Variants in POLA1 observed in about 807,000 individuals in gnomAD.
POLA1 encodes DNA polymerase alpha 1, catalytic subunit, also known as DNA polymerase alpha catalytic subunit.
Under a neutral mutation model 124.0 loss-of-function variants are expected in POLA1, and 15 were observed. That is an observed-to-expected ratio of 0.12 (90% CI 0.08 to 0.19). The LOEUF is 0.19. Ranked by LOEUF, POLA1 falls within the 10% of genes least tolerant of loss-of-function variation. The pLI, the probability that POLA1 is intolerant of heterozygous loss-of-function variation, is 1.00. For missense variants in POLA1, 886 were observed against 1,103.4 expected, an observed-to-expected ratio of 0.80 and a Z score of 2.79; for synonymous variants, 408 against 389.4, an observed-to-expected ratio of 1.05 and a Z score of -0.56.
At chrX:24,856,054 A>G (rs773204457) in intron 34 of POLA1, among the ~76,000 whole-genome samples, 3 of 112,290 alleles carry the variant, frequency 2.7e-5, no homozygotes, top group South Asian at 3.7e-4. Flanking sequence ...ACTCAAGTCT[A>G]TAGCTGAGTT....
chrX:24,743,461 G>A (rs1461013033), intron 23 of POLA1, 132 bp downstream of exon 23: 2 of 343,350 alleles, frequency 5.8e-6, no homozygotes, highest in East Asian at 4.6e-5. Flanking sequence ...TTTATCTTTC[G>A]TTCACGTGAA....
chrX:24,767,506 C>A (rs1932934280), intron 26 of POLA1, among the ~76,000 whole-genome samples: 1 of 111,830 alleles, frequency 8.9e-6, no homozygotes, highest in Admixed American at 9.5e-5. Flanking sequence ...AGCATATGAT[C>A]CTGTTAGACA....
At chrX:24,984,742 C>T (rs1484308363) in intron 36 of POLA1, among the ~76,000 whole-genome samples, 1 of 103,565 alleles carries the variant, frequency 9.7e-6, no homozygotes, top group Non-Finnish European at 2.0e-5. Flanking sequence ...TCACTGCAAG[C>T]TCCGCCTCCC....
chrX:24,878,083 T>C (rs1192180352), intron 34 of POLA1, among the ~76,000 whole-genome samples: 1 of 110,935 alleles, frequency 9.0e-6, no homozygotes, highest in Middle Eastern at 4.2e-3. Context: ...TGTCTACCCT[T>C]AGTTCTGTTT....
intron 34 of POLA1, among the ~76,000 whole-genome samples, chrX:24,867,445 A>G (rs369454780): frequency 9.0e-4 from 100 of 111,630 alleles, no homozygotes; most frequent in African/African-American, 3.1e-3. Context: ...TAGTCTTTTC[A>G]TTTTTAGTCT....
At chrX:24,861,531 C>G (rs1302274830) in intron 34 of POLA1, among the ~76,000 whole-genome samples, 1 of 112,735 alleles carries the variant, frequency 8.9e-6, no homozygotes, top group Non-Finnish European at 1.9e-5. Context: ...ATTTTCTAAA[C>G]TAATGCTTTA....
chrX:24,820,569 A>C (rs2046070824), intron 30 of POLA1, among the ~76,000 whole-genome samples: 1 of 111,214 alleles, frequency 9.0e-6, no homozygotes. Flanking sequence ...CTTTTCTTAA[A>C]ATCTTGCTTT....
chrX:24,795,774 T>C (rs1404242724), intron 26 of POLA1, among the ~76,000 whole-genome samples: 2 of 109,471 alleles, frequency 1.8e-5, no homozygotes, highest in African/African-American at 6.7e-5. Flanking sequence ...CAGTGGAATT[T>C]CTGGGCCATG....
At chrX:24,854,351 CG>C (rs1290666313) in intron 34 of POLA1, among the ~76,000 whole-genome samples, 1 of 111,503 alleles carries the variant, frequency 9.0e-6, no homozygotes, top group Non-Finnish European at 1.9e-5. Context: ...CGCCCGGCCA[CG>C]GGGGGCCACT....
chrX:24,737,574 T>C, intron 18 of POLA1, 51 bp from the exon 19 acceptor site: 1 of 624,253 alleles, frequency 1.6e-6, no homozygotes, highest in Admixed American at 2.6e-5. Flanking sequence ...AGATAAATCC[T>C]CTAATTTGCA....
At chrX:24,964,885 TAGAG>T (rs2048205864) in intron 36 of POLA1, among the ~76,000 whole-genome samples, 1 of 112,299 alleles carries the variant, frequency 8.9e-6, no homozygotes, top group African/African-American at 3.2e-5. Context: ...CAATTGCAGA[TAGAG>T]AGTCTCAGTG....
At chrX:24,732,247 G>A (rs1181779525) in intron 15 of POLA1, 123 bp from the exon 16 acceptor site, 6 of 486,186 alleles carry the variant, frequency 1.2e-5, no homozygotes, top group African/African-American at 9.4e-5. Context: ...GAGCCACCAC[G>A]CCTGGCCAAA....
At chrX:24,779,804 A>G (rs1294221720) in intron 26 of POLA1, among the ~76,000 whole-genome samples, 3 of 112,327 alleles carry the variant, frequency 2.7e-5, no homozygotes, top group Non-Finnish European at 5.6e-5. Context: ...GTTATGTAAC[A>G]TACACAAAGT....
In POLA1 at chrX:24,815,046, C is replaced by T. The variant is rs766952073; in HGVS notation, c.3364C>T (p.Leu1122=). The T allele has an allele frequency of 5.1e-5, 61 of 1,193,868 alleles. 1 individual carries two copies. The South Asian group carries it at 8.4e-4, about 16-fold the overall frequency. The change falls in exon 30 of 37, where the codon CTG becomes TTG. Residue 1122 remains leucine, a synonymous_variant. Transcript: ENST00000379068. The part of the protein sequence containing the change: ...DTIVENIQKR[L]IEIGENVLNG... ...TATAGTGGAAAACATTCAGAAGAGGCTGATAGAAATTGGAGAAAATGTGCT... is the reference window on the plus strand; with the variant it reads ...TATAGTGGAAAACATTCAGAAGAGGTTGATAGAAATTGGAGAAAATGTGCT...
chrX:24,730,240 T>TA (rs2148369213), intron 15 of POLA1, among the ~76,000 whole-genome samples: 1 of 109,979 alleles, frequency 9.1e-6, no homozygotes. Context: ...TTTTCTTTTC[T>TA]TTTTTTTTCT....
chrX:24,795,019 G>A (rs1233394833), intron 26 of POLA1, among the ~76,000 whole-genome samples: 1 of 110,854 alleles, frequency 9.0e-6, no homozygotes, highest in African/African-American at 3.3e-5. Context: ...ATTACATTTT[G>A]TATTCTGCAT....
chrX:24,893,020 T>C (rs1357096717), intron 35 of POLA1, among the ~76,000 whole-genome samples: 1 of 112,354 alleles, frequency 8.9e-6, no homozygotes. Context: ...AATGAACTTA[T>C]AATCATTATA....
At chrX:24,751,532 G>GT (rs775745061) in intron 26 of POLA1, among the ~76,000 whole-genome samples, 39 of 111,566 alleles carry the variant, frequency 3.5e-4, no homozygotes, top group Non-Finnish European at 2.4e-4. Flanking sequence ...ACCCTTTGCT[G>GT]TTTCCCTCAA....
chrX:24,805,171 G>A (rs766428680), intron 26 of POLA1, among the ~76,000 whole-genome samples: 46 of 109,785 alleles, frequency 4.2e-4, no homozygotes, highest in African/African-American at 2.3e-4. Flanking sequence ...TCCCCTAACG[G>A]CACTGTTCTG....
Sources: gnomAD v4.1 joint callset for allele counts (sites outside exome capture counted in the v4.1 genomes callset) on GRCh38, gnomAD v4.1.1 for gene constraint, MANE v1.5 for transcripts, NCBI Gene and HGNC (gene_info 2026-07-23, HGNC 2026-07-21) for gene names.